Variants in PIK3C2G observed in about 807,000 individuals in gnomAD.
The protein encoded by PIK3C2G is phosphatidylinositol 3-kinase C2 domain-containing subunit gamma.
Under a neutral mutation model 181.1 loss-of-function variants are expected in PIK3C2G, and 168 were observed. The observed-to-expected ratio is 0.93, with a 90% CI of 0.82 to 1.05. The LOEUF is 1.05. PIK3C2G is among the 50% of genes least tolerant of loss of function. The pLI, the probability that PIK3C2G is intolerant of heterozygous loss-of-function variation, is 0.00. For missense variants in PIK3C2G, 1,869 were observed against 1,732.8 expected (o/e 1.08, Z -1.40); for synonymous variants, 573 against 592.2 (o/e 0.97, Z 0.47).
chr12:18,309,415 T>A (rs563922747), intron 5 of PIK3C2G, among the ~76,000 whole-genome samples: 2 of 100,486 alleles, frequency 2.0e-5, no homozygotes, highest in South Asian at 8.5e-4. Context: ...TTTTACAAAA[T>A]CCTTATTTCT....
At chr12:18,390,675 TAGAGA>T (rs1943477768) in intron 14 of PIK3C2G, among the ~76,000 whole-genome samples, 1 of 152,134 alleles carries the variant, frequency 6.6e-6, no homozygotes, top group Admixed American at 6.5e-5. Context: ...TTTCATGAAC[TAGAGA>T]TCAATATAGA....
chr12:18,488,196 GA>G (rs1940235400), intron 18 of PIK3C2G, among the ~76,000 whole-genome samples: 1 of 152,090 alleles, frequency 6.6e-6, no homozygotes, highest in Non-Finnish European at 1.5e-5. Context: ...ACTGAAAGGA[GA>G]AAAGATGTGT....
At chr12:18,259,113 A>C (rs1190504441), upstream of PIK3C2G, among the ~76,000 whole-genome samples, 1 of 152,078 alleles carries the variant, frequency 6.6e-6, no homozygotes, top group Non-Finnish European at 1.5e-5. Flanking sequence ...TCTATTAGGC[A>C]ACAGGGTGGG....
At position 18,346,909 on chromosome 12, in the gene PIK3C2G, T is replaced by G. The variant is rs942166529; in HGVS notation, c.1625+73T>G. The G allele has an allele frequency of 3.2e-6, 3 of 936,368 alleles. No homozygotes were observed. In the African/African-American group the frequency reaches 5.0e-5, roughly 16 times the overall value. 58.0% of individuals were successfully genotyped at this position (936,368 alleles called of 1,614,324 possible). A position where few individuals can be genotyped will look rare whatever the true frequency, so the allele number is the denominator to read the frequency against. On this transcript the variant is annotated intron_variant, in intron 11 of 32. Transcript: ENST00000538779. ...TCTAAGTAGAATGCAATTTGTCATG[T>G]TCTTATATGCAGGAGCAAAGATTTC...
intron 26 of PIK3C2G, among the ~76,000 whole-genome samples, chr12:18,559,780 A>ATT (rs1217864529): frequency 2.8e-5 from 1 of 35,908 alleles, no homozygotes; most frequent in Non-Finnish European, 4.4e-5. Flanking sequence ...ATGAAATTAT[A>ATT]TATATATATA....
At chr12:18,295,450 T>C (rs1230724312) in intron 5 of PIK3C2G, among the ~76,000 whole-genome samples, 1 of 152,032 alleles carries the variant, frequency 6.6e-6, no homozygotes, top group African/African-American at 2.4e-5. Context: ...CATTAAGTTT[T>C]AGCAGTAGAA....
rs147429707 is a variant in PIK3C2G at position 18,410,082 on chromosome 12, G to A, written c.2315+10235G>A. 2.2e-3 allele frequency among the ~76,000 whole-genome samples: 337 copies of A among 152,242 alleles called. 1 individual carries two copies. Among genetic ancestry groups the A allele is most frequent in the African/African-American group, 7.7e-3 (321 of 41,536 alleles). On this transcript the variant is annotated intron_variant, in intron 16 of 32. Coordinates refer to ENST00000538779, the MANE Select transcript of PIK3C2G (RefSeq NM_001288772.2). ...GGATTACAATTCAACATGAGATTTG[G>A]GTGGGGACACAAATCCAAACCATAT...
chr12:18,631,048 G>A (rs1237353733), intron 31 of PIK3C2G, among the ~76,000 whole-genome samples: 1 of 152,064 alleles, frequency 6.6e-6, no homozygotes, highest in African/African-American at 2.4e-5. Flanking sequence ...TCATTTTAAA[G>A]TAAAATTTAA....
intron 5 of PIK3C2G, among the ~76,000 whole-genome samples, chr12:18,310,283 TATCAACTG>T (rs903984235): frequency 1.3e-5 from 2 of 151,946 alleles, no homozygotes; most frequent in South Asian, 4.1e-4. Flanking sequence ...ACAAAATTGT[TATCAACTG>T]ACCCTTCATC....
At chr12:18,292,233 T>C (rs1315943011) in intron 4 of PIK3C2G, among the ~76,000 whole-genome samples, 12 of 78,724 alleles carry the variant, frequency 1.5e-4, no homozygotes, top group African/African-American at 4.9e-4. Context: ...AAAAAATATA[T>C]ATATATATAT....
intron 6 of PIK3C2G, 21 bp downstream of exon 6, chr12:18,314,085 G>A (rs1162286601): frequency 7.1e-6 from 9 of 1,261,870 alleles, no homozygotes; most frequent in Non-Finnish European, 1.0e-5. Flanking sequence ...CTTAGCATTG[G>A]TTTCAATTGG....
the PIK3C2G span, among the ~76,000 whole-genome samples, chr12:18,694,467 A>G: frequency 6.6e-6 from 1 of 152,134 alleles, no homozygotes; most frequent in African/African-American, 2.4e-5. Context: ...TCACAGACAT[A>G]TGGGGGGAAG....
intron 20 of PIK3C2G, among the ~76,000 whole-genome samples, chr12:18,495,244 T>G (rs1474093599): frequency 6.6e-6 from 1 of 152,102 alleles, no homozygotes; most frequent in Non-Finnish European, 1.5e-5. Context: ...AATGCCATCA[T>G]GAACTCTCTA....
At chr12:18,666,223 G>A in the PIK3C2G span, among the ~76,000 whole-genome samples, 1 of 151,558 alleles carries the variant, frequency 6.6e-6, no homozygotes, top group South Asian at 2.1e-4. Flanking sequence ...AGAGAAAATT[G>A]GCAAAAGTAA....
chr12:18,688,346 T>C, the PIK3C2G span: 1 of 905,946 alleles, frequency 1.1e-6, no homozygotes, highest in Non-Finnish European at 1.6e-6. Context: ...ACATTGAAAG[T>C]GGAATACAAT....
At chr12:18,517,830 C>T (rs1174094910) in intron 24 of PIK3C2G, among the ~76,000 whole-genome samples, 1 of 152,128 alleles carries the variant, frequency 6.6e-6, no homozygotes, top group Non-Finnish European at 1.5e-5. Flanking sequence ...GGGAATGCTT[C>T]CAGCTTTTGC....
chr12:18,672,436 C>G, the PIK3C2G span, among the ~76,000 whole-genome samples: 2 of 151,818 alleles, frequency 1.3e-5, no homozygotes, highest in Non-Finnish European at 2.9e-5. Context: ...AAGATAGAAT[C>G]TGGAATTAAA....
chr12:18,328,822 AT>A (rs1951464037), intron 8 of PIK3C2G, among the ~76,000 whole-genome samples: 1 of 152,004 alleles, frequency 6.6e-6, no homozygotes, highest in African/African-American at 2.4e-5. Context: ...CAAGTTGAGG[AT>A]TGTATAGAAT....
intron 11 of PIK3C2G, among the ~76,000 whole-genome samples, chr12:18,361,474 T>C (rs1369033699): frequency 6.6e-6 from 1 of 152,088 alleles, no homozygotes; most frequent in Non-Finnish European, 1.5e-5. Context: ...TGTTGAGATA[T>C]GTGCATTTGC....
Sources: allele counts gnomAD v4.1 joint callset (sites outside exome capture counted in the v4.1 genomes callset), GRCh38; gene constraint gnomAD v4.1.1; transcripts MANE v1.5; gene names NCBI Gene and HGNC (gene_info 2026-07-23, HGNC 2026-07-21).